ST13: variants seen among roughly 807,000 people sequenced by gnomAD.
ST13 encodes hsc70-interacting protein.
A neutral mutation model predicts 56.7 loss-of-function variants in ST13; 23 were observed. That is an observed-to-expected ratio of 0.41 (90% CI 0.29 to 0.57). ST13 has a LOEUF of 0.57. Ranked by LOEUF, ST13 falls within the 20% of genes least tolerant of loss-of-function variation. The probability of loss-of-function intolerance (pLI) is 0.36; values close to 1 mark genes in which losing one functional copy is unlikely to be tolerated. For synonymous variants in ST13, 132 were observed against 142.4 expected, an observed-to-expected ratio of 0.93 and a Z score of 0.52; for missense variants, 369 against 459.9, an observed-to-expected ratio of 0.80 and a Z score of 1.81.
chr22:40,851,794 G>A (rs1182225476), intron 1 of ST13, among the ~76,000 whole-genome samples: 2 of 149,462 alleles, frequency 1.3e-5, no homozygotes, highest in African/African-American at 5.0e-5. Flanking sequence ...CACCCAGGCT[G>A]GAGTGCAGTG....
chr22:40,842,209 G>A (rs1257987277), intron 4 of ST13, among the ~76,000 whole-genome samples: 1 of 152,176 alleles, frequency 6.6e-6, no homozygotes, highest in African/African-American at 2.4e-5. Context: ...CACCAATTCA[G>A]AGACTTCATG....
intron 5 of ST13, among the ~76,000 whole-genome samples, chr22:40,837,771 C>T (rs1427898935): frequency 1.3e-5 from 2 of 152,184 alleles, no homozygotes; most frequent in Non-Finnish European, 2.9e-5. Flanking sequence ...CCATCTCAGC[C>T]TCTCAAGTAG....
intron 1 of ST13, among the ~76,000 whole-genome samples, chr22:40,851,997 C>T (rs530586006): frequency 6.6e-6 from 1 of 152,296 alleles, no homozygotes; most frequent in South Asian, 2.1e-4. Context: ...CCAGCCTTGG[C>T]CTCCCAAAGT....
At chr22:40,844,408 T>C (rs890711303) in intron 4 of ST13, among the ~76,000 whole-genome samples, 5 of 152,192 alleles carry the variant, frequency 3.3e-5, no homozygotes, top group Admixed American at 2.0e-4. Flanking sequence ...CACTACATAT[T>C]AATATTCTAT....
intron 5 of ST13, among the ~76,000 whole-genome samples, chr22:40,839,398 C>T (rs1002259902): frequency 6.6e-6 from 1 of 152,148 alleles, no homozygotes; most frequent in African/African-American, 2.4e-5. Flanking sequence ...TGAAATATTA[C>T]TCAAGCAGCC....
At position 40,835,583 on chromosome 22, in the gene ST13, G is replaced by A. The variant is rs1265748062; in HGVS notation, c.555C>T (p.Tyr185=). The change falls in exon 7 of 12, where the codon TAC becomes TAT. Residue 185 remains tyrosine (Y), a synonymous_variant. Coordinates refer to ENST00000216218, the MANE Select transcript of ST13 (RefSeq NM_003932.5). ...IEINPDSAQP[Y]KWRGKAHRLL... The stretch of plus-strand genomic sequence containing the variant: ...ACCTGTGTGCTTTCCCCCGCCACTT[G>A]TAAGGCTGAGCTGAATCAGGATTTA... The A allele has an allele frequency of 6.2e-7, 1 of 1,612,500 alleles. No homozygotes were observed.
Position 40,856,565 on chromosome 22 carries a change from G to A in ST13, c.-25C>T. On this transcript the variant is annotated 5_prime_UTR_variant, in exon 1 of 12. Transcript: ENST00000216218. ...TGGTAGGGAGGTGGTGGGCGAAACT[G>A]GGGGGGCTACGGCCCGGTTCCAGGC... 1 of 1,587,156 alleles carries A rather than the reference G, an allele frequency of 6.3e-7. No individual in the cohort carries two copies. The highest frequency in any genetic ancestry group is 8.6e-7 in the Non-Finnish European group (1 of 1,158,140).
chr22:40,847,528 G>A (rs568947846), intron 3 of ST13, among the ~76,000 whole-genome samples: 26 of 142,298 alleles, frequency 1.8e-4, no homozygotes, highest in African/African-American at 5.0e-4. Context: ...CAGCCTGGGC[G>A]ACACAGTGAG....
intron 1 of ST13, among the ~76,000 whole-genome samples, chr22:40,853,592 C>G (rs1402600873): frequency 2.0e-5 from 3 of 152,138 alleles, no homozygotes; most frequent in African/African-American, 4.8e-5. Flanking sequence ...TCACATAGGA[C>G]CACATAAAAC....
chr22:40,830,834 A>ATT lies in ST13; in HGVS notation c.798+4_798+5dup, dbSNP rs1370680415. 3.8e-6 allele frequency: 6 copies of ATT among 1,588,994 alleles called. No individual in the cohort carries two copies. Among genetic ancestry groups the ATT allele is most frequent in the Non-Finnish European group, 5.1e-6 (6 of 1,165,778 alleles). ...TCCTTTCATGGCTTAGCTATAGGAAATTTACCCTCTGGGCTCTCTCATGCT... is the reference window on the plus strand; with the variant it reads ...TCCTTTCATGGCTTAGCTATAGGAAATTTTTACCCTCTGGGCTCTCTCATGCT... On this transcript the variant is annotated splice_donor_region_variant and intron_variant, in intron 9 of 11. Transcript: ENST00000216218.
chr22:40,855,572 T>A lies in ST13; in HGVS notation c.110+859A>T, dbSNP rs181024293. ...CATCTTTTCAGTTCCCCATTAGTAA[T>A]AATTTTTTAAAAAGTCATCTTAGGG... On this transcript the variant is annotated intron_variant, in intron 1 of 11. Transcript: ENST00000216218. Among the ~76,000 whole-genome samples the A allele has an allele frequency of 5.3e-4, 80 of 152,350 alleles. 2 individuals are homozygous for A. Among genetic ancestry groups the A allele is most frequent in the Non-Finnish European group, 2.2e-4 (15 of 68,022 alleles).
chr22:40,850,791 T>C, intron 2 of ST13, 32 bp downstream of exon 2: 2 of 1,534,652 alleles, frequency 1.3e-6, no homozygotes, highest in Non-Finnish European at 1.8e-6. Context: ...TAGTACTTTA[T>C]CACAAAACAT....
At chr22:40,830,579 T>C (rs1389767142) in intron 9 of ST13, among the ~76,000 whole-genome samples, 3 of 152,166 alleles carry the variant, frequency 2.0e-5, no homozygotes, top group Non-Finnish European at 4.4e-5. Flanking sequence ...TTCAATTACT[T>C]GACCTGGAAA....
intron 1 of ST13, 128 bp downstream of exon 1, chr22:40,856,303 C>T: frequency 1.3e-6 from 1 of 789,338 alleles, no homozygotes; most frequent in Non-Finnish European, 2.2e-6. Flanking sequence ...CTCGAAGTTG[C>T]CTCCCTTTCC....
At chr22:40,851,560 G>A (rs931671239) in intron 1 of ST13, among the ~76,000 whole-genome samples, 1 of 152,038 alleles carries the variant, frequency 6.6e-6, no homozygotes, top group Non-Finnish European at 1.5e-5. Context: ...GCTCCATTTG[G>A]TGCAGACCCT....
At chr22:40,837,380 C>T (rs2057782778) in intron 5 of ST13, among the ~76,000 whole-genome samples, 1 of 152,124 alleles carries the variant, frequency 6.6e-6, no homozygotes, top group Admixed American at 6.5e-5. Flanking sequence ...CTTTGGGAGG[C>T]CGAGGCAGGT....
At position 40,832,656 on chromosome 22, in the gene ST13, C is replaced by T; in HGVS notation, c.594G>A (p.Trp198Ter). Residue 198 changes from tryptophan (W) to a stop codon, truncating the protein, a stop_gained, in exon 8 of 12, where the codon TGG (tryptophan) becomes TGA (stop). Coordinates refer to ENST00000216218, the MANE Select transcript of ST13 (RefSeq NM_003932.5). LOFTEE classifies it high-confidence loss of function. ...GGGCAAGATCATGGGCTGCTTCTTC[C>T]CAGTGGCCTAGAAGTCTGAAACAGA... is the stretch of plus-strand genomic sequence containing the variant. The part of the protein sequence containing the change: ...RGKAHRLLGH[W>*]EEAAHDLALA... 1 of 1,600,388 alleles carries T rather than the reference C, an allele frequency of 6.2e-7. No homozygotes were observed. Among genetic ancestry groups the T allele is most frequent in the Non-Finnish European group, 8.5e-7 (1 of 1,179,576 alleles).
At position 40,825,348 on chromosome 22, in the gene ST13, A is replaced by C. The variant is rs556622032; in HGVS notation, c.*1190T>G. ...CCCTCTGTGTGTATCAATTTAATTC[A>C]AACCTTATCTTCAGAATACAAAGAT... On this transcript the variant is annotated 3_prime_UTR_variant, in exon 12 of 12. Coordinates refer to ENST00000216218, the MANE Select transcript of ST13 (RefSeq NM_003932.5). 1.9e-4 allele frequency: 29 copies of C among 152,318 alleles called. No individual in the cohort carries two copies. The highest frequency in any genetic ancestry group is 7.0e-4 in the African/African-American group (29 of 41,588). 9.4% of individuals were successfully genotyped at this position (152,318 alleles called of 1,614,324 possible). A position where few individuals can be genotyped will look rare whatever the true frequency, so the allele number is the denominator to read the frequency against.
At position 40,826,614 on chromosome 22, in the gene ST13, A is replaced by G. The variant is rs1415336102; in HGVS notation, c.1034T>C (p.Met345Thr). ...CTTTGGGTTGCTCTGGTATTTTGAC[A>G]TATTTGCTGGGTTCTGAGCCACATC... ...FQDVAQNPANMSKYQSNPKVM... is the reference protein window; with the variant it reads ...FQDVAQNPANTSKYQSNPKVM... The change falls in exon 12 of 12, where the codon ATG becomes ACG. Residue 345 changes from methionine to threonine, a missense_variant. This residue lies in a region of ST13 where 136 missense variants were observed against 159.2 expected (regional missense o/e 0.85). Coordinates refer to ENST00000216218, the MANE Select transcript of ST13 (RefSeq NM_003932.5). The G allele has an allele frequency of 1.9e-6, 3 of 1,606,686 alleles. No homozygotes were observed. Among genetic ancestry groups the G allele is most frequent in the Non-Finnish European group, 2.5e-6 (3 of 1,179,770 alleles).
Sources: allele counts gnomAD v4.1 joint callset (sites outside exome capture counted in the v4.1 genomes callset), GRCh38; gene constraint gnomAD v4.1.1; regional missense constraint gnomAD v4.1.1; transcripts MANE v1.5; gene names NCBI Gene and HGNC (gene_info 2026-07-23, HGNC 2026-07-21).